The following GRIP1 variants were observed in gnomAD, a reference collection of about 807,000 sequenced individuals.
GRIP1 encodes the protein glutamate receptor-interacting protein 1.
A neutral mutation model predicts 129.9 loss-of-function variants in GRIP1; 45 were observed. The observed-to-expected ratio is 0.35, with a 90% CI of 0.27 to 0.44. The LOEUF is 0.44. Among genes scored for constraint, GRIP1 ranks in the 20% least tolerant of loss-of-function variants. GRIP1 has a pLI of 1.00. For synonymous variants in GRIP1, 530 were observed against 520.8 expected, an observed-to-expected ratio of 1.02 and a Z score of -0.24; for missense variants, 1,196 against 1,396.8, an observed-to-expected ratio of 0.86 and a Z score of 2.29.
At chr12:66,940,250 A>T (rs7964009) in intron 1 of GRIP1, among the ~76,000 whole-genome samples, 4,642 of 152,236 alleles carry the variant, frequency 0.03, 147 homozygotes, top group African/African-American at 0.075. Flanking sequence ...TTGCTTATTA[A>T]ATTTGGGATC....
intron 1 of GRIP1, among the ~76,000 whole-genome samples, chr12:66,946,806 G>T (rs1431102296): frequency 1.6e-4 from 22 of 138,630 alleles, no homozygotes; most frequent in Non-Finnish European, 2.2e-4. Context: ...TGGGGGCTGG[G>T]GGGGGCGGCA....
At chr12:66,899,556 G>C (rs529121244) in intron 1 of GRIP1, among the ~76,000 whole-genome samples, 59 of 151,616 alleles carry the variant, frequency 3.9e-4, no homozygotes, top group Admixed American at 7.9e-4. Flanking sequence ...ATAGAGATGA[G>C]GTCTTGCTAT....
intron 1 of GRIP1, among the ~76,000 whole-genome samples, chr12:66,703,498 T>C (rs552682316): frequency 6.6e-6 from 1 of 151,958 alleles, no homozygotes; most frequent in East Asian, 1.9e-4. Flanking sequence ...ATTCCTGCTG[T>C]AGGTGATGAG....
chr12:66,369,144 T>C (rs1311631118), intron 23 of GRIP1, among the ~76,000 whole-genome samples: 1 of 152,154 alleles, frequency 6.6e-6, no homozygotes, highest in East Asian at 1.9e-4. Flanking sequence ...GTATGTATTG[T>C]CACCATTTAG....
intron 1 of GRIP1, among the ~76,000 whole-genome samples, chr12:66,599,297 G>A (rs1333605150): frequency 6.6e-6 from 1 of 152,152 alleles, no homozygotes; most frequent in African/African-American, 2.4e-5. Context: ...CAGTGTTATT[G>A]CTTTCACCCT....
At chr12:66,448,562 A>G (rs1176614416) in intron 11 of GRIP1, among the ~76,000 whole-genome samples, 2 of 152,234 alleles carry the variant, frequency 1.3e-5, no homozygotes, top group Admixed American at 1.3e-4. Context: ...CTCTGCATGT[A>G]TCTTCTCAAC....
rs2054089732 is a variant in GRIP1, at chr12:66,348,749, T to C, written c.*270A>G. The C allele has an allele frequency of 6.5e-6, 3 of 459,102 alleles. No homozygotes were observed. The Middle Eastern group carries it at 1.8e-3, about 278-fold the overall frequency. 28.4% of individuals were successfully genotyped at this position (459,102 alleles called of 1,614,324 possible). A position where few individuals can be genotyped will look rare whatever the true frequency, so the allele number is the denominator to read the frequency against. ...TGTAAAAAATTTCCTCTGATGTTAA[T>C]TGTAGAGTTGTGGGGGACGGCCTAT... On this transcript the variant is annotated 3_prime_UTR_variant, in exon 25 of 25. Transcript: ENST00000359742.
At chr12:66,918,909 A>C (rs183274687) in intron 1 of GRIP1, among the ~76,000 whole-genome samples, 176 of 152,312 alleles carry the variant, frequency 1.2e-3, no homozygotes, top group Non-Finnish European at 6.8e-4. Context: ...ATTTTCATTT[A>C]AGCTTTCTTT....
At chr12:66,785,239 G>T (rs182280469) in intron 1 of GRIP1, among the ~76,000 whole-genome samples, 8 of 150,332 alleles carry the variant, frequency 5.3e-5, no homozygotes, top group Admixed American at 2.0e-4. Context: ...TGGGCAGATC[G>T]CTTGAGCTCA....
At chr12:66,809,151 G>A (rs868578737), upstream of GRIP1, among the ~76,000 whole-genome samples, 2 of 152,136 alleles carry the variant, frequency 1.3e-5, no homozygotes, top group African/African-American at 4.8e-5. Context: ...TCTTTTTTGG[G>A]AAGTAGGCAA....
chr12:66,811,915 G>A (rs903486388), intron 1 of GRIP1, among the ~76,000 whole-genome samples: 5 of 151,720 alleles, frequency 3.3e-5, no homozygotes, highest in African/African-American at 4.9e-5. Flanking sequence ...CTTCTTTTCC[G>A]TCTCTAAATG....
chr12:66,585,005 G>A (rs2063561878), intron 2 of GRIP1, among the ~76,000 whole-genome samples: 1 of 151,600 alleles, frequency 6.6e-6, no homozygotes, highest in Non-Finnish European at 1.5e-5. Flanking sequence ...TGACCCGTTG[G>A]TGCACACTGG....
chr12:66,371,142 A>G (rs74097923), intron 23 of GRIP1, among the ~76,000 whole-genome samples: 5,750 of 149,270 alleles, frequency 0.039, 388 homozygotes, highest in African/African-American at 0.13. Context: ...TTGTAAGAAG[A>G]TTATGGCCAT....
chr12:66,886,528 C>T (rs1031209586), intron 1 of GRIP1, among the ~76,000 whole-genome samples: 3 of 152,042 alleles, frequency 2.0e-5, no homozygotes, highest in South Asian at 2.1e-4. Flanking sequence ...CTAACTGAGC[C>T]GTTTCCCTGT....
chr12:66,505,656 T>G (rs1276642024), intron 7 of GRIP1, among the ~76,000 whole-genome samples: 1 of 152,184 alleles, frequency 6.6e-6, no homozygotes, highest in African/African-American at 2.4e-5. Context: ...GAGAATAATT[T>G]TATATATTCT....
chr12:66,604,636 C>A (rs2064429399), intron 1 of GRIP1, among the ~76,000 whole-genome samples: 1 of 152,186 alleles, frequency 6.6e-6, no homozygotes, highest in Non-Finnish European at 1.5e-5. Flanking sequence ...TGCCAGCTGA[C>A]ATTTTCAGTC....
intron 1 of GRIP1, among the ~76,000 whole-genome samples, chr12:66,627,209 T>C (rs1217492489): frequency 6.6e-6 from 1 of 151,730 alleles, no homozygotes; most frequent in Non-Finnish European, 1.5e-5. Flanking sequence ...TTCCGGTGCC[T>C]ATCCTTAAGA....
At position 66,529,821 on chromosome 12, in the gene GRIP1, C is replaced by T; in HGVS notation, c.502+10G>A. On this transcript the variant is annotated intron_variant, in intron 5 of 24. Transcript: ENST00000359742. The stretch of plus-strand genomic sequence containing the variant: ...TTTTTTTAAAGTAGATTTTTCTAAC[C>T]AACACCTACCTCGAATTACAAAACC... 6 of 1,481,710 alleles carry T rather than the reference C, an allele frequency of 4.0e-6. No homozygotes were observed. Among genetic ancestry groups the T allele is most frequent in the Non-Finnish European group, 5.7e-6 (6 of 1,059,312 alleles). 91.8% of individuals were successfully genotyped at this position (1,481,710 alleles called of 1,614,324 possible).
intron 2 of GRIP1, among the ~76,000 whole-genome samples, chr12:66,560,305 A>G (rs541556553): frequency 1.3e-3 from 200 of 152,274 alleles, no homozygotes; most frequent in Non-Finnish European, 2.1e-3. Context: ...CAACCAAAGT[A>G]AAAATGGATA....
Sources: allele counts gnomAD v4.1 joint callset (sites outside exome capture counted in the v4.1 genomes callset), GRCh38; gene constraint gnomAD v4.1.1; transcripts MANE v1.5; gene names NCBI Gene and HGNC (gene_info 2026-07-23, HGNC 2026-07-21).